The following PRKG1 variants were observed in gnomAD, a reference collection of about 807,000 sequenced individuals.
PRKG1 encodes the protein protein kinase cGMP-dependent 1, also known as cGMP-dependent protein kinase 1.
A neutral mutation model predicts 88.1 loss-of-function variants in PRKG1; 35 were observed. The ratio of observed to expected loss-of-function variants is 0.40; its 90% CI spans 0.30 to 0.53. The LOEUF (loss-of-function observed/expected upper bound fraction) is 0.53. PRKG1 is among the 20% of genes least tolerant of loss of function. PRKG1 has a pLI of 0.59. For missense variants in PRKG1, 540 were observed against 839.8 expected, an observed-to-expected ratio of 0.64 and a Z score of 4.41; for synonymous variants, 303 against 292.5, an observed-to-expected ratio of 1.04 and a Z score of -0.37.
At chr10:52,170,780 C>T (rs1203866028) in intron 9 of PRKG1, among the ~76,000 whole-genome samples, 1 of 152,156 alleles carries the variant, frequency 6.6e-6, no homozygotes, top group Non-Finnish European at 1.5e-5. Flanking sequence ...TCTTGTTTGA[C>T]ACAATGTGAC....
intron 7 of PRKG1, among the ~76,000 whole-genome samples, chr10:52,113,801 T>C (rs987744672): frequency 3.9e-5 from 6 of 152,184 alleles, no homozygotes; most frequent in Non-Finnish European, 7.4e-5. Context: ...AGTTAGGTGC[T>C]TTATGATTTT....
chr10:51,541,039 A>T (rs1842287905), intron 3 of PRKG1, among the ~76,000 whole-genome samples: 1 of 152,078 alleles, frequency 6.6e-6, no homozygotes, highest in Non-Finnish European at 1.5e-5. Flanking sequence ...TTTTGTGTGG[A>T]GGTTTTTATG....
chr10:52,081,640 T>C (rs1403226731), intron 7 of PRKG1: 3 of 456,564 alleles, frequency 6.6e-6, no homozygotes, highest in Admixed American at 4.7e-5. Context: ...TGTTTCTTCA[T>C]GGATCTTACA....
chr10:51,247,711 G>C (rs1418961937), intron 2 of PRKG1, among the ~76,000 whole-genome samples: 3 of 152,070 alleles, frequency 2.0e-5, no homozygotes, highest in Middle Eastern at 3.4e-3. Flanking sequence ...TGAGCAAATG[G>C]AGCCCCACCT....
intron 5 of PRKG1, among the ~76,000 whole-genome samples, chr10:51,947,028 C>CTGCTGTCTT (rs1325586608): frequency 6.6e-6 from 1 of 152,090 alleles, no homozygotes; most frequent in African/African-American, 2.4e-5. Flanking sequence ...ACAGAGGTTA[C>CTGCTGTCTT]TGCTGTCTTT....
chr10:51,404,198 A>G (rs1837839088), intron 2 of PRKG1, among the ~76,000 whole-genome samples: 1 of 152,226 alleles, frequency 6.6e-6, no homozygotes, highest in Non-Finnish European at 1.5e-5. Context: ...TCAGATAGTT[A>G]GCGTCATTGT....
chr10:51,563,692 A>C (rs758178293), intron 3 of PRKG1, among the ~76,000 whole-genome samples: 14 of 152,200 alleles, frequency 9.2e-5, no homozygotes, highest in Non-Finnish European at 1.8e-4. Context: ...GAAGAAGGAA[A>C]CATAATTTCA....
intron 2 of PRKG1, among the ~76,000 whole-genome samples, chr10:51,225,700 G>A (rs771105230): frequency 1.3e-5 from 2 of 151,958 alleles, no homozygotes; most frequent in African/African-American, 4.8e-5. Flanking sequence ...TAGTGAAGGT[G>A]TTGCTTTTTA....
chr10:51,502,667 TCCAAATC>T, intron 3 of PRKG1, among the ~76,000 whole-genome samples: 1 of 152,260 alleles, frequency 6.6e-6, no homozygotes, highest in African/African-American at 2.4e-5. Context: ...AATGATGCTA[TCCAAATC>T]CCACAGTTAC....
chr10:51,194,879 C>A (rs1022239877), intron 2 of PRKG1, among the ~76,000 whole-genome samples: 1 of 151,984 alleles, frequency 6.6e-6, no homozygotes, highest in Non-Finnish European at 1.5e-5. Context: ...GTATAAAGAC[C>A]CCACTCTGGT....
chr10:51,313,909 C>A (rs979665000), intron 2 of PRKG1, among the ~76,000 whole-genome samples: 1 of 152,088 alleles, frequency 6.6e-6, no homozygotes, highest in Non-Finnish European at 1.5e-5. Context: ...TTCATGAAAA[C>A]ATTTTTCTGA....
intron 9 of PRKG1, among the ~76,000 whole-genome samples, chr10:52,165,995 A>T (rs1029218424): frequency 1.3e-5 from 2 of 152,188 alleles, no homozygotes; most frequent in African/African-American, 2.4e-5. Flanking sequence ...TTCTACAAAG[A>T]TAATTGTTCT....
intron 2 of PRKG1, among the ~76,000 whole-genome samples, chr10:51,163,748 G>A (rs58049871): frequency 0.035 from 5,288 of 152,306 alleles, 301 homozygotes; most frequent in African/African-American, 0.12. Flanking sequence ...ATTATATCTC[G>A]CACCTGGCTG....
At chr10:52,039,066 T>C (rs1845689737) in intron 5 of PRKG1, among the ~76,000 whole-genome samples, 1 of 152,104 alleles carries the variant, frequency 6.6e-6, no homozygotes, top group Non-Finnish European at 1.5e-5. Flanking sequence ...GGACAGGGGA[T>C]TGATCTCCCA....
At chr10:51,983,533 G>A (rs1402139227) in intron 5 of PRKG1, among the ~76,000 whole-genome samples, 1 of 152,202 alleles carries the variant, frequency 6.6e-6, no homozygotes, top group East Asian at 1.9e-4. Flanking sequence ...GACTGGACCA[G>A]CCCCATCTGA....
At chr10:51,065,013 A>G (rs1843732857) in intron 1 of PRKG1, among the ~76,000 whole-genome samples, 1 of 152,116 alleles carries the variant, frequency 6.6e-6, no homozygotes, top group African/African-American at 2.4e-5. Flanking sequence ...TAACTTTCAA[A>G]TTATAAATGA....
At chr10:51,061,637 C>T (rs1843693650) in intron 1 of PRKG1, among the ~76,000 whole-genome samples, 1 of 152,162 alleles carries the variant, frequency 6.6e-6, no homozygotes, top group South Asian at 2.1e-4. Context: ...AACTCCACAT[C>T]TCATGTCCTT....
chr10:52,148,486 A>T (rs1303481514), intron 8 of PRKG1, among the ~76,000 whole-genome samples: 1 of 152,222 alleles, frequency 6.6e-6, no homozygotes, highest in Non-Finnish European at 1.5e-5. Flanking sequence ...TAAACAAGAA[A>T]TATTTAAGAA....
chr10:52,004,773 T>C (rs1844687506), intron 5 of PRKG1, among the ~76,000 whole-genome samples: 1 of 152,176 alleles, frequency 6.6e-6, no homozygotes, highest in Non-Finnish European at 1.5e-5. Flanking sequence ...GAAATTAAAA[T>C]ACAGTTTTAG....
Sources: gnomAD v4.1 joint callset for allele counts (sites outside exome capture counted in the v4.1 genomes callset) on GRCh38, gnomAD v4.1.1 for gene constraint, MANE v1.5 for transcripts, NCBI Gene and HGNC (gene_info 2026-07-23, HGNC 2026-07-21) for gene names.